The following TMEM71 variants were observed in gnomAD, a reference collection of about 807,000 sequenced individuals.
TMEM71 encodes transmembrane protein 71.
A neutral mutation model predicts 38.0 loss-of-function variants in TMEM71; 44 were observed. The observed-to-expected ratio is 1.16, with a 90% confidence interval of 0.91 to 1.49. TMEM71 has a LOEUF of 1.49. TMEM71 is among the 40% of genes most tolerant of loss of function. TMEM71 has a pLI of 0.00. For missense variants in TMEM71, 367 were observed against 348.6 expected (o/e 1.05, Z -0.42); for synonymous variants, 133 against 122.5 (o/e 1.09, Z -0.56).
chr8:132,757,108 G>C (rs1274159841), intron 3 of TMEM71, 126 bp downstream of exon 3: 9 of 499,724 alleles, frequency 1.8e-5, no homozygotes, highest in Non-Finnish European at 3.4e-5. Flanking sequence ...GTGTTAGCCA[G>C]GATGGTCTCC....
chr8:132,737,687 A>T (rs1827823082), intron 5 of TMEM71, among the ~76,000 whole-genome samples: 1 of 152,222 alleles, frequency 6.6e-6, no homozygotes, highest in South Asian at 2.1e-4. Context: ...ATGACGTGAC[A>T]TGTGGCTTTC....
downstream of TMEM71, among the ~76,000 whole-genome samples, chr8:132,708,418 T>C (rs573920045): frequency 1.3e-5 from 2 of 152,352 alleles, no homozygotes; most frequent in East Asian, 3.9e-4. Flanking sequence ...ACACACTTTA[T>C]ACACTTGGAG....
At chr8:132,743,690 A>T (rs1221678099) in intron 5 of TMEM71, among the ~76,000 whole-genome samples, 1 of 152,066 alleles carries the variant, frequency 6.6e-6, no homozygotes, top group African/African-American at 2.4e-5. Flanking sequence ...GACTGATATG[A>T]CTCCCAGATG....
intron 7 of TMEM71, among the ~76,000 whole-genome samples, chr8:132,715,829 G>A (rs911632043): frequency 6.6e-6 from 1 of 152,202 alleles, no homozygotes; most frequent in African/African-American, 2.4e-5. Flanking sequence ...GAGGTGAATA[G>A]TTTTCTGTAT....
intron 7 of TMEM71, among the ~76,000 whole-genome samples, chr8:132,721,168 G>A (rs1010203480): frequency 1.3e-5 from 2 of 152,208 alleles, no homozygotes; most frequent in African/African-American, 2.4e-5. Flanking sequence ...AAAAGCAAGT[G>A]CAAAGGCCCT....
chr8:132,746,988 C>T lies in TMEM71; in HGVS notation c.441G>A (p.Trp147Ter). ...TGTCCAACCTCCTGGTCCCCTTCAACCAGTTGTCTTCACTTGGAGAAGAGT... is the reference window on the plus strand; with the variant it reads ...TGTCCAACCTCCTGGTCCCCTTCAATCAGTTGTCTTCACTTGGAGAAGAGT... ...DINSSPSEDNWLKGTRRLDTD... is the reference protein window; with the variant it reads ...DINSSPSEDN The change falls in exon 5 of 10, where the codon TGG (tryptophan) becomes TGA (stop). Residue 147 changes from tryptophan to a stop codon, truncating the protein, a stop_gained. Transcript: ENST00000677595. LOFTEE classifies it high-confidence loss of function. 6.2e-7 allele frequency: 1 copy of T among 1,613,318 alleles called. No individual in the cohort carries two copies. The highest frequency in any genetic ancestry group is 2.2e-5 in the East Asian group (1 of 44,816).
At chr8:132,717,127 T>C (rs767978994) in intron 7 of TMEM71, among the ~76,000 whole-genome samples, 27 of 152,070 alleles carry the variant, frequency 1.8e-4, no homozygotes, top group Non-Finnish European at 3.4e-4. Flanking sequence ...GCTAAAACTA[T>C]AAAACACAAC....
chr8:132,757,202 A>G (rs368282677), intron 3 of TMEM71, 32 bp downstream of exon 3: 9 of 1,559,002 alleles, frequency 5.8e-6, no homozygotes, highest in Non-Finnish European at 7.9e-6. Context: ...GGCCAGAATG[A>G]TTATTTTTTT....
At chr8:132,770,329 G>A in the TMEM71 span, among the ~76,000 whole-genome samples, 6 of 152,234 alleles carry the variant, frequency 3.9e-5, no homozygotes, top group Admixed American at 6.5e-5. Flanking sequence ...AACAGCACTC[G>A]AATTTTGCAT....
Position 132,751,846 on chromosome 8 carries a change from C to T in TMEM71, c.253G>A (p.Asp85Asn). ...GATGGGTTCAGAGTTATGTTGCCAT[C>T]TTTGTCGCACAGGAAGCTGTCTTCA... Reference protein sequence around the residue: ...WTEDSFLCDKDGNITLNPSQT... With the variant: ...WTEDSFLCDKNGNITLNPSQT... Residue 85 changes from aspartate to asparagine, a missense_variant, in exon 4 of 10, where the codon GAT (aspartate) becomes AAT (asparagine). Physicochemically the swap from Asp to Asn is conservative, Grantham distance 23 (BLOSUM62 1). Coordinates refer to ENST00000677595, the MANE Select transcript of TMEM71 (RefSeq NM_001382403.1). 1 of 1,614,004 alleles carries T rather than the reference C, an allele frequency of 6.2e-7. No homozygotes were observed. The highest frequency in any genetic ancestry group is 8.5e-7 in the Non-Finnish European group (1 of 1,180,042).
intron 1 of TMEM71, among the ~76,000 whole-genome samples, 170 bp from the exon 2 acceptor site, chr8:132,759,085 T>C (rs1231699686): frequency 6.6e-6 from 1 of 152,188 alleles, no homozygotes; most frequent in African/African-American, 2.4e-5. Context: ...TCTAAAGTTG[T>C]GTCTGCCTCT....
At chr8:132,730,869 G>T (rs1303805868) in intron 5 of TMEM71, among the ~76,000 whole-genome samples, 1 of 152,052 alleles carries the variant, frequency 6.6e-6, no homozygotes, top group Non-Finnish European at 1.5e-5. Flanking sequence ...GAAATCTAGG[G>T]TGTGTGTGTA....
At chr8:132,758,524 A>C (rs1274218084) in intron 2 of TMEM71, 1 of 256,074 alleles carries the variant, frequency 3.9e-6, no homozygotes, top group Admixed American at 5.5e-5. Context: ...TATCAAAATC[A>C]TTCAGCATTT....
chr8:132,755,045 C>T (rs933424850), intron 3 of TMEM71, among the ~76,000 whole-genome samples: 2 of 152,140 alleles, frequency 1.3e-5, no homozygotes, highest in African/African-American at 4.8e-5. Flanking sequence ...CTCTAGTGCT[C>T]TTTCTTCTAC....
chr8:132,760,864 C>T (rs148656331), upstream of TMEM71, among the ~76,000 whole-genome samples: 1 of 152,312 alleles, frequency 6.6e-6, no homozygotes, highest in East Asian at 1.9e-4. Context: ...GTGAGAAAGA[C>T]TCAGCGAACT....
At chr8:132,746,805 G>A (rs2739024) in intron 5 of TMEM71, 137 bp downstream of exon 5, 238,047 of 615,752 alleles carry the variant, frequency 0.39, 49,130 homozygotes, top group Admixed American at 0.5. Context: ...AGAACTTTAA[G>A]TGAATTTTAA....
At chr8:132,738,975 C>T (rs536983259) in intron 5 of TMEM71, among the ~76,000 whole-genome samples, 3 of 152,042 alleles carry the variant, frequency 2.0e-5, no homozygotes, top group Non-Finnish European at 4.4e-5. Flanking sequence ...AAGTAGTTAT[C>T]AGTGGGCAAA....
chr8:132,746,290 ATATAT>A (rs913489019), intron 5 of TMEM71, among the ~76,000 whole-genome samples: 9 of 149,650 alleles, frequency 6.0e-5, no homozygotes, highest in East Asian at 5.8e-4. Context: ...CACAATATGT[ATATAT>A]TATATGTATT....
chr8:132,764,313 T>TGA (rs1413764561), upstream of TMEM71, among the ~76,000 whole-genome samples: 1 of 151,962 alleles, frequency 6.6e-6, no homozygotes, highest in East Asian at 1.9e-4. Context: ...TGTGTGTGTG[T>TGA]GTATTGCACT....
Sources: gnomAD v4.1 joint callset for allele counts (sites outside exome capture counted in the v4.1 genomes callset) on GRCh38, gnomAD v4.1.1 for gene constraint, MANE v1.5 for transcripts, NCBI Gene and HGNC (gene_info 2026-07-23, HGNC 2026-07-21) for gene names.